Variants in PTPN12 observed in about 807,000 individuals in gnomAD.
PTPN12 encodes protein tyrosine phosphatase non-receptor type 12.
Under a neutral mutation model 97.6 loss-of-function variants are expected in PTPN12, and 29 were observed. The ratio of observed to expected loss-of-function variants is 0.30; its 90% CI spans 0.22 to 0.41. The LOEUF is 0.41. Ranked by LOEUF, PTPN12 falls within the 10% of genes least tolerant of loss-of-function variation. PTPN12 has a pLI of 1.00. For synonymous variants in PTPN12, 327 were observed against 300.4 expected, an observed-to-expected ratio of 1.09 and a Z score of -0.91; for missense variants, 819 against 926.0, an observed-to-expected ratio of 0.88 and a Z score of 1.50.
intron 2 of PTPN12, among the ~76,000 whole-genome samples, chr7:77,572,128 T>C (rs1358972762): frequency 1.3e-5 from 2 of 151,550 alleles, no homozygotes; most frequent in African/African-American, 4.9e-5. Context: ...ACAGTCTTGC[T>C]CTGTAGCCCA....
intron 1 of PTPN12, among the ~76,000 whole-genome samples, chr7:77,555,230 T>C (rs1807654347): frequency 6.6e-6 from 1 of 152,048 alleles, no homozygotes; most frequent in African/African-American, 2.4e-5. Context: ...TTTTTTTTTT[T>C]TTGTAGTTTG....
At chr7:77,540,114 G>A (rs1375279035) in intron 1 of PTPN12, among the ~76,000 whole-genome samples, 3 of 152,156 alleles carry the variant, frequency 2.0e-5, no homozygotes, top group Non-Finnish European at 4.4e-5. Flanking sequence ...GTTTGGTGAT[G>A]CGGGCCATCA....
At chr7:77,634,606 A>AT (rs1343677694) in intron 14 of PTPN12, among the ~76,000 whole-genome samples, 3 of 150,608 alleles carry the variant, frequency 2.0e-5, no homozygotes, top group East Asian at 2.0e-4. Flanking sequence ...CACCCGGCTT[A>AT]TTTTTTTGTA....
At chr7:77,574,649 C>G (rs976386922) in intron 2 of PTPN12, among the ~76,000 whole-genome samples, 14 of 152,040 alleles carry the variant, frequency 9.2e-5, no homozygotes, top group Admixed American at 2.6e-4. Flanking sequence ...AGGATGCAGC[C>G]CCCTTCCCCA....
rs142454927 is a variant in PTPN12 at position 77,626,855 on chromosome 7, G to A, written c.1176G>A (p.Val392=). Residue 392 remains valine (V), a synonymous_variant, in exon 13 of 18, where the codon GTG becomes GTA. Transcript: ENST00000248594. ...QDNDRYHPKP[V]LHMVSSEQHS... ...ATGATAGATACCATCCAAAGCCAGT[G>A]TTGCATATGGTTTCATCAGAACAAC... 4.8e-5 allele frequency: 77 copies of A among 1,613,736 alleles called. No homozygotes were observed. In the African/African-American group the frequency reaches 9.6e-4, roughly 20 times the overall value.
At position 77,537,399 on chromosome 7, in the gene PTPN12, G is replaced by C. The variant is rs1218415309; in HGVS notation, c.-148G>C. On this transcript the variant is annotated 5_prime_UTR_variant, in exon 1 of 18. Transcript: ENST00000248594. ...GCCGCCGCAGCCGCCGCCTAGGGCG[G>C]TGGGGAGGAGGAGGGAGCCGCGGGG... 60 of 1,203,748 alleles carry C rather than the reference G, an allele frequency of 5.0e-5. No individual in the cohort carries two copies. In the Middle Eastern group the frequency reaches 8.8e-4, roughly 18 times the overall value. The allele number at this position is 1,203,748 out of a possible 1,614,324, so 74.6% of individuals were successfully genotyped here. A position where few individuals can be genotyped will look rare whatever the true frequency, so the allele number is the denominator to read the frequency against.
At chr7:77,538,735 T>A (rs1203911432) in intron 1 of PTPN12, 1 of 152,194 alleles carries the variant, frequency 6.6e-6, no homozygotes, top group African/African-American at 2.4e-5. Flanking sequence ...CCGCCCTTTT[T>A]ATTTTTCTGC....
intron 13 of PTPN12, among the ~76,000 whole-genome samples, 155 bp from the exon 14 acceptor site, chr7:77,632,193 C>T (rs942572404): frequency 6.6e-6 from 1 of 152,148 alleles, no homozygotes; most frequent in African/African-American, 2.4e-5. Context: ...CATCATAATT[C>T]TTGATAATGA....
rs765660257 is a variant in PTPN12, at chr7:77,637,018, G to T, written c.2143G>T (p.Gly715Cys). The change falls in exon 16 of 18, where the codon GGC becomes TGC. Residue 715 changes from glycine (G) to cysteine (C), a missense_variant and splice_region_variant. By Grantham distance (159) the Gly-to-Cys change is radical. Coordinates refer to ENST00000248594, the MANE Select transcript of PTPN12 (RefSeq NM_002835.4). ...QERSEQKKSE[G>C]LITSENEKCD... Reference sequence around the variant, plus strand: ...TAGGTATTAAATGTCTTCCTCGTAGGGCTTGATAACCTCTGAAAATGAGAA... The same window carrying T: ...TAGGTATTAAATGTCTTCCTCGTAGTGCTTGATAACCTCTGAAAATGAGAA... 1.9e-6 allele frequency: 3 copies of T among 1,606,952 alleles called. No homozygotes were observed. Among genetic ancestry groups the T allele is most frequent in the Admixed American group, 3.3e-5 (2 of 59,818 alleles).
At chr7:77,628,410 C>G (rs1052767580) in intron 13 of PTPN12, among the ~76,000 whole-genome samples, 1 of 152,138 alleles carries the variant, frequency 6.6e-6, no homozygotes, top group Non-Finnish European at 1.5e-5. Context: ...TAAACAGACC[C>G]TAAGGTTGAG....
chr7:77,597,828 TTCTC>T lies in PTPN12; in HGVS notation c.493-12_493-9del. 1 of 1,604,298 alleles carries T rather than the reference TTCTC, an allele frequency of 6.2e-7. No individual in the cohort carries two copies. Among genetic ancestry groups the T allele is most frequent in the East Asian group, 2.2e-5 (1 of 44,662 alleles). On this transcript the variant is annotated splice_polypyrimidine_tract_variant and intron_variant, in intron 6 of 17. Transcript: ENST00000248594. ...AACGTTTTCACTGACTTAGAAATGT[TTCTC>T]TTTATTTAGGAGGATGAACAAGCAA...
At chr7:77,625,565 C>CTTTTTTTTTTTTT (rs1179793825) in intron 12 of PTPN12, among the ~76,000 whole-genome samples, 1 of 24,152 alleles carries the variant, frequency 4.1e-5, no homozygotes, top group Admixed American at 8.9e-4. Flanking sequence ...CTCTCTCTCT[C>CTTTTTTTTTTTTT]TTTTTTTTTT....
Position 77,639,584 on chromosome 7 carries a change from C to G in PTPN12, c.*304C>G, listed in dbSNP as rs895505476. ...ATTGAGTTTAAGGACTACTCTTTTT[C>G]TGTTTTATCATGTATGCATTATTTT... On this transcript the variant is annotated 3_prime_UTR_variant, in exon 18 of 18. Transcript: ENST00000248594. 20 of 273,664 alleles carry G rather than the reference C, an allele frequency of 7.3e-5. No individual in the cohort carries two copies. Among genetic ancestry groups the G allele is most frequent in the Non-Finnish European group, 4.1e-5 (6 of 146,332 alleles). The allele number at this position is 273,664 out of a possible 1,614,324, so 17.0% of individuals were successfully genotyped here.
chr7:77,616,283 T>C (rs982283672), intron 11 of PTPN12, among the ~76,000 whole-genome samples: 1 of 152,186 alleles, frequency 6.6e-6, no homozygotes, highest in African/African-American at 2.4e-5. Context: ...TATTCTCAAC[T>C]ATAGCTTTTT....
intron 1 of PTPN12, among the ~76,000 whole-genome samples, chr7:77,558,847 A>G (rs1380111040): frequency 6.6e-6 from 1 of 152,136 alleles, no homozygotes; most frequent in Non-Finnish European, 1.5e-5. Context: ...CATCTCTACA[A>G]AACATTTTTA....
intron 12 of PTPN12, among the ~76,000 whole-genome samples, chr7:77,626,121 A>G (rs949775211): frequency 6.6e-6 from 1 of 152,202 alleles, no homozygotes; most frequent in South Asian, 2.1e-4. Flanking sequence ...AGGTATACCA[A>G]TCTGCAAGAA....
chr7:77,561,430 A>G (rs1202633399), intron 1 of PTPN12, among the ~76,000 whole-genome samples: 1 of 152,244 alleles, frequency 6.6e-6, no homozygotes, highest in East Asian at 1.9e-4. Flanking sequence ...TGAAATTTTC[A>G]GAGGGTGTAG....
At chr7:77,564,744 G>GTGTTTTTT (rs1554312959) in intron 1 of PTPN12, among the ~76,000 whole-genome samples, 33 of 34,352 alleles carry the variant, frequency 9.6e-4, no homozygotes, top group East Asian at 1.3e-3. Flanking sequence ...TTTTGTTGTC[G>GTGTTTTTT]TGTTTTTTTT....
At chr7:77,632,249 T>C in intron 13 of PTPN12, 99 bp from the exon 14 acceptor site, 1 of 906,484 alleles carries the variant, frequency 1.1e-6, no homozygotes, top group Non-Finnish European at 1.8e-6. Context: ...AAAACTGATC[T>C]AGATATTTGT....
Sources: gnomAD v4.1 joint callset for allele counts (sites outside exome capture counted in the v4.1 genomes callset) on GRCh38, gnomAD v4.1.1 for gene constraint, MANE v1.5 for transcripts, NCBI Gene and HGNC (gene_info 2026-07-23, HGNC 2026-07-21) for gene names.